The following LPP variants were observed in gnomAD, a reference collection of about 807,000 sequenced individuals.
LPP encodes the protein LIM domain containing preferred translocation partner in lipoma.
Under a neutral mutation model 60.4 loss-of-function variants are expected in LPP, and 38 were observed. The observed-to-expected ratio is 0.63, with a 90% confidence interval of 0.49 to 0.83. The LOEUF (loss-of-function observed/expected upper bound fraction) is 0.83. Among genes scored for constraint, LPP ranks in the 40% least tolerant of loss-of-function variants. The pLI, the probability that LPP is intolerant of heterozygous loss-of-function variation, is 0.00. For missense variants in LPP, 902 were observed against 783.6 expected, an observed-to-expected ratio of 1.15 and a Z score of -1.80; for synonymous variants, 328 against 290.8, an observed-to-expected ratio of 1.13 and a Z score of -1.30.
rs73890533 is a variant in LPP at position 188,504,103 on chromosome 3, G to T, written c.306+19399G>T. Among the ~76,000 whole-genome samples, 412 of 152,234 alleles carry T rather than the reference G, an allele frequency of 2.7e-3. 6 individuals are homozygous for T. The highest frequency in any genetic ancestry group is 9.4e-3 in the African/African-American group (392 of 41,542). ...TGGTATAGTTGATTGTGTCCCACAG[G>T]TCTCTTAGGCTCAGTTCACCTGTCT... On this transcript the variant is annotated intron_variant, in intron 5 of 11. Transcript: ENST00000617246.
intron 4 of LPP, among the ~76,000 whole-genome samples, chr3:188,462,980 C>T (rs1799510447): frequency 1.3e-5 from 2 of 151,938 alleles, no homozygotes; most frequent in Admixed American, 6.6e-5. Flanking sequence ...GTGGGGGGCA[C>T]TTGTAATCCC....
At chr3:188,265,564 T>G (rs527616640) in intron 2 of LPP, among the ~76,000 whole-genome samples, 1 of 152,296 alleles carries the variant, frequency 6.6e-6, no homozygotes, top group Admixed American at 6.5e-5. Flanking sequence ...AGGTGTTCTG[T>G]TTGTGCCATT....
At chr3:188,771,710 G>T (rs569267812) in intron 9 of LPP, among the ~76,000 whole-genome samples, 5 of 152,126 alleles carry the variant, frequency 3.3e-5, no homozygotes, top group Admixed American at 3.3e-4. Context: ...GCTTTGAGTC[G>T]TAAATAACTG....
At chr3:188,558,820 A>G (rs578180466) in intron 6 of LPP, among the ~76,000 whole-genome samples, 182 of 152,216 alleles carry the variant, frequency 1.2e-3, no homozygotes, top group African/African-American at 4.2e-3. Context: ...AAGGGCAATG[A>G]TGTTACAACT....
At chr3:188,824,759 C>T (rs1018154231) in intron 9 of LPP, among the ~76,000 whole-genome samples, 1 of 152,132 alleles carries the variant, frequency 6.6e-6, no homozygotes, top group Non-Finnish European at 1.5e-5. Context: ...CCGTCAGAAT[C>T]GTTAAGTACC....
chr3:188,281,758 G>A (rs1322967232), intron 2 of LPP, among the ~76,000 whole-genome samples: 1 of 151,942 alleles, frequency 6.6e-6, no homozygotes, highest in African/African-American at 2.4e-5. Flanking sequence ...TTAGCAATTT[G>A]CCATGTGTCT....
intron 1 of LPP, among the ~76,000 whole-genome samples, chr3:188,218,621 T>G (rs1184481688): frequency 6.6e-6 from 1 of 152,132 alleles, no homozygotes; most frequent in Admixed American, 6.6e-5. Flanking sequence ...TCTTCTAAAA[T>G]TTCTTTTATA....
chr3:188,772,497 T>C (rs551369154), intron 9 of LPP, among the ~76,000 whole-genome samples: 3 of 152,148 alleles, frequency 2.0e-5, no homozygotes, highest in Non-Finnish European at 4.4e-5. Flanking sequence ...TTCTTTTCTT[T>C]TCTTTTCTTT....
chr3:188,865,024 A>G (rs2151979565), intron 9 of LPP, among the ~76,000 whole-genome samples: 1 of 152,336 alleles, frequency 6.6e-6, no homozygotes, highest in South Asian at 2.1e-4. Flanking sequence ...CCTCATGGTA[A>G]AAGAGCAGCT....
chr3:188,684,897 C>T (rs1860346822), intron 7 of LPP, among the ~76,000 whole-genome samples: 1 of 152,150 alleles, frequency 6.6e-6, no homozygotes, highest in African/African-American at 2.4e-5. Flanking sequence ...TTTAAGATCC[C>T]TGAATATGTG....
In LPP at chr3:188,406,257, C is replaced by T. The variant is rs976919063; in HGVS notation, c.137C>T (p.Ala46Val). The T allele has an allele frequency of 6.2e-7, 1 of 1,614,120 alleles. No individual in the cohort carries two copies. Among genetic ancestry groups the T allele is most frequent in the Non-Finnish European group, 8.5e-7 (1 of 1,179,992 alleles). ...ACACAACAGCCACCCAAAAAGTTTGCCCCGGTAGTTGCTCCAAAACCTAAG... is the reference window on the plus strand; with the variant it reads ...ACACAACAGCCACCCAAAAAGTTTGTCCCGGTAGTTGCTCCAAAACCTAAG... ...VSTQQPPKKFAPVVAPKPKYN... is the reference protein window; with the variant it reads ...VSTQQPPKKFVPVVAPKPKYN... Residue 46 changes from alanine (A) to valine (V), a missense_variant, in exon 4 of 12, where the codon GCC (alanine) becomes GTC (valine). Transcript: ENST00000617246.
At chr3:188,445,114 T>A (rs1307091862) in intron 4 of LPP, among the ~76,000 whole-genome samples, 1 of 152,216 alleles carries the variant, frequency 6.6e-6, no homozygotes, top group Non-Finnish European at 1.5e-5. Flanking sequence ...AAATACCATT[T>A]GACCCAACAA....
At chr3:188,297,918 A>C (rs527400597) in intron 2 of LPP, among the ~76,000 whole-genome samples, 2 of 152,210 alleles carry the variant, frequency 1.3e-5, no homozygotes, top group Non-Finnish European at 2.9e-5. Context: ...ATGATGGATT[A>C]TGTATCTTTG....
chr3:188,330,014 T>A (rs1759558955), intron 2 of LPP, among the ~76,000 whole-genome samples: 1 of 152,184 alleles, frequency 6.6e-6, no homozygotes. Context: ...TATTAAAGTT[T>A]CTTGCTCTCC....
intron 1 of LPP, among the ~76,000 whole-genome samples, chr3:188,163,166 T>C (rs1718828034): frequency 6.6e-6 from 1 of 152,176 alleles, no homozygotes; most frequent in African/African-American, 2.4e-5. Flanking sequence ...GGTCTGCTTC[T>C]ACTGTTGTAA....
chr3:188,811,384 A>G (rs1560237131), intron 9 of LPP, among the ~76,000 whole-genome samples: 1 of 150,164 alleles, frequency 6.7e-6, no homozygotes, highest in Non-Finnish European at 1.5e-5. Context: ...ACACACACAC[A>G]CGCACACACG....
chr3:188,554,332 G>C (rs1028856363), intron 6 of LPP, among the ~76,000 whole-genome samples: 3 of 152,088 alleles, frequency 2.0e-5, no homozygotes, highest in African/African-American at 7.2e-5. Flanking sequence ...TTTCAAATGT[G>C]ACTTCTTTTC....
intron 3 of LPP, among the ~76,000 whole-genome samples, chr3:188,368,320 A>G (rs573380186): frequency 6.6e-6 from 1 of 152,238 alleles, no homozygotes; most frequent in South Asian, 2.1e-4. Context: ...ATTCAAAACC[A>G]GGGCTTGTGG....
chr3:188,282,382 C>G (rs1020585563), intron 2 of LPP, among the ~76,000 whole-genome samples: 1 of 152,058 alleles, frequency 6.6e-6, no homozygotes. Context: ...GCCATGGTAG[C>G]GCAGGAGGGA....
Sources: gnomAD v4.1 joint callset for allele counts (sites outside exome capture counted in the v4.1 genomes callset) on GRCh38, gnomAD v4.1.1 for gene constraint, MANE v1.5 for transcripts, NCBI Gene and HGNC (gene_info 2026-07-23, HGNC 2026-07-21) for gene names.